The following TNKS variants were observed in gnomAD, a reference collection of about 807,000 sequenced individuals.
TNKS encodes poly [ADP-ribose] polymerase tankyrase-1.
TNKS carries 72 observed loss-of-function variants against 135.8 expected under a neutral mutation model. The observed-to-expected ratio is 0.53, with a 90% CI of 0.44 to 0.64. TNKS has a LOEUF of 0.64. TNKS is among the 30% of genes least tolerant of loss of function. The pLI, the probability that TNKS is intolerant of heterozygous loss-of-function variation, is 0.00. For synonymous variants in TNKS, 849 were observed against 649.3 expected (o/e 1.31, Z -4.68); for missense variants, 1,769 against 1,674.0 (o/e 1.06, Z -0.99).
chr8:9,570,590 T>C (rs1361703022), intron 1 of TNKS, among the ~76,000 whole-genome samples: 1 of 152,206 alleles, frequency 6.6e-6, no homozygotes. Flanking sequence ...AACCTCTACC[T>C]GGCAACCTTT....
intron 2 of TNKS, among the ~76,000 whole-genome samples, chr8:9,597,586 C>A (rs180698421): frequency 6.6e-6 from 1 of 152,140 alleles, no homozygotes; most frequent in Non-Finnish European, 1.5e-5. Flanking sequence ...TATGGAGAAT[C>A]GTTAATGTAA....
In TNKS at chr8:9,698,601, G is replaced by A. The variant is rs12680590; in HGVS notation, c.1108-6062G>A. On this transcript the variant is annotated intron_variant, in intron 5 of 26. Coordinates refer to ENST00000310430, the MANE Select transcript of TNKS (RefSeq NM_003747.3). The stretch of plus-strand genomic sequence containing the variant: ...GTTAATAAATTAACACAAATACCTA[G>A]TAAAATTTCCAAAGCCAGAATGCAA... Among the ~76,000 whole-genome samples the A allele has an allele frequency of 5.9e-5, 9 of 152,192 alleles. No individual in the cohort carries two copies. The East Asian group carries it at 1.5e-3, about 26-fold the overall frequency.
At chr8:9,586,882 C>G (rs768170765) in intron 2 of TNKS, among the ~76,000 whole-genome samples, 3 of 151,794 alleles carry the variant, frequency 2.0e-5, no homozygotes, top group Non-Finnish European at 4.4e-5. Flanking sequence ...TGAGGGTCAC[C>G]GTGGTCTGCT....
In TNKS at chr8:9,755,416, A is replaced by G. The variant is rs547911962; in HGVS notation, c.3153+2790A>G. On this transcript the variant is annotated intron_variant, in intron 20 of 26. Transcript: ENST00000310430. ...ATACATAGACGATTGCATTTAATGT[A>G]TATTACCAAGCACAGTTCTTTCCCT... 3.9e-5 allele frequency among the ~76,000 whole-genome samples: 6 copies of G among 152,308 alleles called. No homozygotes were observed. In the East Asian group the frequency reaches 1.2e-3, roughly 29 times the overall value.
At chr8:9,671,992 C>G (rs1802289764) in intron 3 of TNKS, among the ~76,000 whole-genome samples, 1 of 152,200 alleles carries the variant, frequency 6.6e-6, no homozygotes, top group African/African-American at 2.4e-5. Flanking sequence ...GTCCATAGAT[C>G]CATGCTGTCT....
chr8:9,573,573 A>G (rs893710880), intron 1 of TNKS, among the ~76,000 whole-genome samples: 4 of 152,200 alleles, frequency 2.6e-5, no homozygotes, highest in Non-Finnish European at 4.4e-5. Context: ...TAACACATAG[A>G]TGTATATGAG....
intron 18 of TNKS, 131 bp downstream of exon 18, chr8:9,748,343 A>T (rs1806345028): frequency 1.4e-6 from 1 of 728,140 alleles, no homozygotes; most frequent in South Asian, 6.1e-5. Context: ...AAAATTTTTG[A>T]AGTTCACACT....
intron 25 of TNKS, among the ~76,000 whole-genome samples, chr8:9,768,708 G>C (rs1807613736): frequency 6.6e-6 from 1 of 152,352 alleles, no homozygotes; most frequent in East Asian, 1.9e-4. Flanking sequence ...TAAGAGACTA[G>C]CAGAATCTAA....
intron 1 of TNKS, among the ~76,000 whole-genome samples, chr8:9,567,472 G>A (rs1366833958): frequency 6.6e-6 from 1 of 152,206 alleles, no homozygotes; most frequent in African/African-American, 2.4e-5. Flanking sequence ...CTGGAGCGCA[G>A]TGGCGCGATC....
chr8:9,605,723 T>A (rs570902404), intron 2 of TNKS, among the ~76,000 whole-genome samples: 58 of 152,250 alleles, frequency 3.8e-4, no homozygotes, highest in African/African-American at 1.2e-3. Flanking sequence ...TTTCATGGAC[T>A]TACTAGTAAT....
chr8:9,762,962 C>G (rs1807226622), intron 21 of TNKS, among the ~76,000 whole-genome samples, 185 bp from the exon 22 acceptor site: 1 of 150,594 alleles, frequency 6.6e-6, no homozygotes, highest in Non-Finnish European at 1.5e-5. Context: ...ATTTTTTTCT[C>G]CTGTCTGTCT....
chr8:9,644,908 A>G (rs1800860948), intron 3 of TNKS, among the ~76,000 whole-genome samples: 1 of 152,212 alleles, frequency 6.6e-6, no homozygotes, highest in South Asian at 2.1e-4. Flanking sequence ...AGTTTATTAT[A>G]AAATAGGCTT....
intron 1 of TNKS, among the ~76,000 whole-genome samples, chr8:9,578,137 G>A (rs1185909431): frequency 6.6e-6 from 1 of 152,180 alleles, no homozygotes; most frequent in Non-Finnish European, 1.5e-5. Context: ...GGCTTTGCAG[G>A]AGTCAGCTCC....
At chr8:9,687,982 C>G (rs779522848) in intron 5 of TNKS, among the ~76,000 whole-genome samples, 3 of 152,170 alleles carry the variant, frequency 2.0e-5, no homozygotes, top group Non-Finnish European at 4.4e-5. Flanking sequence ...TGGAAAAACA[C>G]CCATGTCACA....
chr8:9,585,755 A>T (rs926288317), intron 2 of TNKS, among the ~76,000 whole-genome samples: 5 of 152,160 alleles, frequency 3.3e-5, no homozygotes, highest in African/African-American at 1.2e-4. Flanking sequence ...CTTTCAAACA[A>T]TTCTTGGTTT....
chr8:9,665,600 A>T (rs929234594), intron 3 of TNKS, among the ~76,000 whole-genome samples: 29 of 152,080 alleles, frequency 1.9e-4, no homozygotes, highest in African/African-American at 7.0e-4. Flanking sequence ...AGTGTGTTTG[A>T]CCTGTTGTCT....
chr8:9,633,620 TGA>T (rs1800383277), intron 3 of TNKS, among the ~76,000 whole-genome samples: 1 of 152,222 alleles, frequency 6.6e-6, no homozygotes, highest in African/African-American at 2.4e-5. Flanking sequence ...ATGGCAGAGC[TGA>T]TGATAAGCCA....
intron 3 of TNKS, among the ~76,000 whole-genome samples, chr8:9,675,874 G>A (rs1402280284): frequency 6.6e-6 from 1 of 152,032 alleles, no homozygotes; most frequent in African/African-American, 2.4e-5. Flanking sequence ...TAGGAGAGTG[G>A]TTCTGAAATT....
chr8:9,686,981 C>T (rs907520171), intron 5 of TNKS, among the ~76,000 whole-genome samples: 1 of 152,102 alleles, frequency 6.6e-6, no homozygotes, highest in Non-Finnish European at 1.5e-5. Context: ...GTAGCAATTA[C>T]CCATAATGCA....
Sources: gnomAD v4.1 joint callset for allele counts (sites outside exome capture counted in the v4.1 genomes callset) on GRCh38, gnomAD v4.1.1 for gene constraint, MANE v1.5 for transcripts, NCBI Gene and HGNC (gene_info 2026-07-23, HGNC 2026-07-21) for gene names.